Variants in EHMT1 observed in about 807,000 individuals in gnomAD.
EHMT1 encodes the protein histone-lysine N-methyltransferase EHMT1.
EHMT1 carries 15 observed loss-of-function variants against 147.2 expected under a neutral mutation model. That is an observed-to-expected ratio of 0.10 (90% CI 0.07 to 0.16). The LOEUF is 0.16. Ranked by LOEUF, EHMT1 falls within the 10% of genes least tolerant of loss-of-function variation. The pLI, the probability that EHMT1 is intolerant of heterozygous loss-of-function variation, is 1.00. For synonymous variants in EHMT1, 795 were observed against 709.6 expected (o/e 1.12, Z -1.91); for missense variants, 1,587 against 1,772.4 (o/e 0.90, Z 1.88).
intron 1 of EHMT1, among the ~76,000 whole-genome samples, chr9:137,624,302 G>A (rs1386991026): frequency 1.0e-4 from 15 of 149,836 alleles, no homozygotes; most frequent in Admixed American, 4.7e-4. Context: ...CACTATGCCC[G>A]GCCTCTTTTT....
At chr9:137,705,846 G>C (rs2135277892) in intron 1 of EHMT1, among the ~76,000 whole-genome samples, 1 of 152,310 alleles carries the variant, frequency 6.6e-6, no homozygotes, top group South Asian at 2.1e-4. Flanking sequence ...GCCCTGCCCT[G>C]GTACCTGTAC....
At chr9:137,636,082 T>C in intron 1 of EHMT1, among the ~76,000 whole-genome samples, 1 of 151,574 alleles carries the variant, frequency 6.6e-6, no homozygotes, top group East Asian at 2.0e-4. Flanking sequence ...CCACCACGCC[T>C]TGCTAATTTT....
chr9:137,772,545 G>A (rs1950658409), intron 10 of EHMT1, among the ~76,000 whole-genome samples: 1 of 152,180 alleles, frequency 6.6e-6, no homozygotes, highest in South Asian at 2.1e-4. Context: ...CTCAGCCCCT[G>A]CCACCGAAGC....
intron 1 of EHMT1, among the ~76,000 whole-genome samples, chr9:137,669,547 C>T (rs973403232): frequency 2.0e-5 from 3 of 151,594 alleles, no homozygotes; most frequent in African/African-American, 4.9e-5. Context: ...CCAAGACGCC[C>T]CGCACAGCAC....
At chr9:137,715,907 C>G in intron 2 of EHMT1, 10 of 891,274 alleles carry the variant, frequency 1.1e-5, no homozygotes, top group Non-Finnish European at 1.3e-5. Flanking sequence ...AACGTTAATG[C>G]TTAAGAAATG....
At chr9:137,671,363 T>A (rs1276637872) in intron 1 of EHMT1, among the ~76,000 whole-genome samples, 1 of 152,156 alleles carries the variant, frequency 6.6e-6, no homozygotes, top group Non-Finnish European at 1.5e-5. Flanking sequence ...AAAAAATTAA[T>A]GGAAACCCTC....
Position 137,835,170 on chromosome 9 carries a change from C to A in EHMT1, c.*217C>A, listed in dbSNP as rs1408630947. The stretch of plus-strand genomic sequence containing the variant: ...CTGCGGCCTCACCGCGGGCCCAGTG[C>A]CCAGGCTGGAGCGCACACTTTGGTC... On this transcript the variant is annotated 3_prime_UTR_variant, in exon 27 of 27. Transcript: ENST00000460843. 2 of 473,436 alleles carry A rather than the reference C, an allele frequency of 4.2e-6. No individual in the cohort carries two copies. Among genetic ancestry groups the A allele is most frequent in the Non-Finnish European group, 7.0e-6 (2 of 287,032 alleles). 29.3% of individuals were successfully genotyped at this position (473,436 alleles called of 1,614,324 possible).
intron 25 of EHMT1, among the ~76,000 whole-genome samples, chr9:137,824,514 A>G (rs1235336946): frequency 6.6e-6 from 1 of 151,864 alleles, no homozygotes; most frequent in Non-Finnish European, 1.5e-5. Flanking sequence ...TTCCATAGAC[A>G]ATTGAGAGCC....
At chr9:137,744,115 A>G (rs778503427) in intron 6 of EHMT1, 25 bp downstream of exon 6, 2 of 1,613,316 alleles carry the variant, frequency 1.2e-6, no homozygotes, top group Non-Finnish European at 8.5e-7. Context: ...CTTGGGTGAC[A>G]GCACAAGGAA....
rs1415240278 is a variant in EHMT1 at position 137,743,374 on chromosome 9, G to C, written c.827G>C (p.Cys276Ser). The C allele has an allele frequency of 6.5e-7, 1 of 1,548,198 alleles. No individual in the cohort carries two copies. Among genetic ancestry groups the C allele is most frequent in the Non-Finnish European group, 8.6e-7 (1 of 1,157,204 alleles). Reference sequence around the variant, plus strand: ...TGACTTTTTTTTTTTTTTTTAGCTTGCTTGCCTTTTGTTTTAGCAGCTGCA... The same window carrying C: ...TGACTTTTTTTTTTTTTTTTAGCTTCCTTGCCTTTTGTTTTAGCAGCTGCA... ...YMATTKSQTA[C>S]LPFVLAAAVS... Residue 276 changes from cysteine (C) to serine (S), a missense_variant, in exon 5 of 27, where the codon TGC (cysteine) becomes TCC (serine). Cys to Ser is a moderately radical substitution (Grantham distance 112). Around this residue, in one of 7 missense-constraint regions of EHMT1, gnomAD observed 810 missense variants for 673.0 expected, o/e 1.20. Transcript: ENST00000460843.
intron 1 of EHMT1, among the ~76,000 whole-genome samples, chr9:137,708,639 A>AC (rs1266326194): frequency 1.3e-5 from 2 of 152,252 alleles, no homozygotes; most frequent in Non-Finnish European, 2.9e-5. Flanking sequence ...ATACACATTT[A>AC]CATGTGTTTC....
chr9:137,669,613 C>T (rs1206447191), intron 1 of EHMT1, among the ~76,000 whole-genome samples: 4 of 152,174 alleles, frequency 2.6e-5, no homozygotes, highest in Admixed American at 6.5e-5. Flanking sequence ...TCCAGCAGCT[C>T]TTCCCTGGCC....
intron 1 of EHMT1, among the ~76,000 whole-genome samples, chr9:137,624,358 T>C (rs2501552): frequency 0.26 from 38,406 of 149,206 alleles, 6,684 homozygotes; most frequent in African/African-American, 0.48. Context: ...GGCATCCAGT[T>C]GCCCAGGCTG....
chr9:137,813,292 G>A lies in EHMT1; in HGVS notation c.3036-94G>A. 1 of 1,556,878 alleles carries A rather than the reference G, an allele frequency of 6.4e-7. No homozygotes were observed. Among genetic ancestry groups the A allele is most frequent in the Non-Finnish European group, 8.6e-7 (1 of 1,156,960 alleles). ...CCCAGGCTGCAGTCCAAATTGTCAG[G>A]GCCAGGTGTTTGCCAGCCGCCCCAC... On this transcript the variant is annotated intron_variant, in intron 20 of 26. Transcript: ENST00000460843. This position sits in a 1 kb window ranked among gnomAD's most constrained non-coding sequence, Gnocchi z 4.9.
At chr9:137,671,582 T>C (rs1240421451) in intron 1 of EHMT1, among the ~76,000 whole-genome samples, 1 of 148,270 alleles carries the variant, frequency 6.7e-6, no homozygotes, top group African/African-American at 2.5e-5. Context: ...TGGGGTGCAG[T>C]TGTGTGACCT....
intron 1 of EHMT1, among the ~76,000 whole-genome samples, chr9:137,678,514 GTTC>G (rs1301270160): frequency 2.0e-5 from 3 of 152,150 alleles, no homozygotes; most frequent in African/African-American, 7.2e-5. Context: ...AGCCGTGCGT[GTTC>G]TGTCTGGTGT....
chr9:137,721,987 T>A (rs939257431), intron 3 of EHMT1, among the ~76,000 whole-genome samples: 1 of 152,146 alleles, frequency 6.6e-6, no homozygotes, highest in Non-Finnish European at 1.5e-5. Context: ...TAATTTTTTT[T>A]TTTTTTCAGT....
At chr9:137,691,348 A>T (rs974264333) in intron 1 of EHMT1, among the ~76,000 whole-genome samples, 2 of 146,620 alleles carry the variant, frequency 1.4e-5, no homozygotes, top group Non-Finnish European at 3.0e-5. Context: ...TTTTCTTAAA[A>T]TTTTTTTTTT....
intron 10 of EHMT1, among the ~76,000 whole-genome samples, chr9:137,765,439 G>A (rs909703534): frequency 3.3e-5 from 5 of 152,122 alleles, no homozygotes; most frequent in Admixed American, 6.5e-5. Flanking sequence ...TGTGTGGTAA[G>A]CTTTTTTTGT....
Sources: allele counts gnomAD v4.1 joint callset (sites outside exome capture counted in the v4.1 genomes callset), GRCh38; gene constraint gnomAD v4.1.1; regional missense constraint gnomAD v4.1.1; non-coding constraint Gnocchi (gnomAD v3.1); transcripts MANE v1.5; gene names NCBI Gene and HGNC (gene_info 2026-07-23, HGNC 2026-07-21).